The following CREB1 variants were observed in gnomAD, a reference collection of about 807,000 sequenced individuals.
CREB1 encodes cyclic AMP-responsive element-binding protein 1.
CREB1 carries 2 observed loss-of-function variants against 42.0 expected under a neutral mutation model. That is an observed-to-expected ratio of 0.05 (90% CI 0.02 to 0.15). CREB1 has a LOEUF of 0.15. CREB1 is among the 10% of genes least tolerant of loss of function. The pLI, the probability that CREB1 is intolerant of heterozygous loss-of-function variation, is 1.00. For missense variants in CREB1, 199 were observed against 388.9 expected, an observed-to-expected ratio of 0.51 and a Z score of 4.11; for synonymous variants, 123 against 139.9, an observed-to-expected ratio of 0.88 and a Z score of 0.85.
chr2:207,597,181 A>G lies in CREB1; in HGVS notation c.*123A>G. On this transcript the variant is annotated 3_prime_UTR_variant, in exon 8 of 8. Coordinates refer to ENST00000353267, the MANE Select transcript of CREB1 (RefSeq NM_004379.5). ...TTTTTCTATGCGCAAAACTGCCTGA[A>G]AGCAACTACAGAATTTCATTCATTT... 9.9e-7 allele frequency: 1 copy of G among 1,012,106 alleles called. No individual in the cohort carries two copies. The highest frequency in any genetic ancestry group is 3.0e-5 in the East Asian group (1 of 33,842). 62.7% of individuals were successfully genotyped at this position (1,012,106 alleles called of 1,614,324 possible).
At chr2:207,534,530 A>C (rs915744636) in intron 1 of CREB1, 3 of 152,208 alleles carry the variant, frequency 2.0e-5, no homozygotes, top group Admixed American at 6.5e-5. Flanking sequence ...TATTATTACT[A>C]TATGTAATAC....
At chr2:207,560,444 G>A in intron 3 of CREB1, 72 bp downstream of exon 3, 2 of 1,454,632 alleles carry the variant, frequency 1.4e-6, no homozygotes, top group Non-Finnish European at 1.9e-6. Flanking sequence ...CCTTTCACTA[G>A]TTATGAAAAT....
intron 5 of CREB1, among the ~76,000 whole-genome samples, chr2:207,572,892 C>G (rs1171842499): frequency 1.3e-5 from 2 of 151,182 alleles, no homozygotes; most frequent in Non-Finnish European, 2.9e-5. Flanking sequence ...GCATGAATTT[C>G]CACTCCTTCC....
chr2:207,586,018 C>T (rs2083761090), intron 7 of CREB1, among the ~76,000 whole-genome samples: 1 of 152,092 alleles, frequency 6.6e-6, no homozygotes, highest in Non-Finnish European at 1.5e-5. Flanking sequence ...ACAGGAAGGT[C>T]ATATGTACTA....
rs1034743321 is a variant in CREB1 at position 207,602,578 on chromosome 2, T to C, written c.*5520T>C. The C allele has an allele frequency of 1.2e-4, 26 of 211,154 alleles. No homozygotes were observed. The highest frequency in any genetic ancestry group is 2.3e-4 in the Non-Finnish European group (24 of 104,160). 13.1% of individuals were successfully genotyped at this position (211,154 alleles called of 1,614,324 possible). ...AAATCTGAGTTAGCTTAAAAATTGG[T>C]AGGGAGGAAGAAAATCTCTGCAAAT... On this transcript the variant is annotated 3_prime_UTR_variant, in exon 8 of 8. Transcript: ENST00000353267.
At position 207,547,391 on chromosome 2, in the gene CREB1, G is replaced by C. The variant is rs139189687; in HGVS notation, c.-8-8237G>C. Among the ~76,000 whole-genome samples the C allele has an allele frequency of 3.2e-3, 488 of 152,302 alleles. 4 individuals are homozygous for C. Among genetic ancestry groups the C allele is most frequent in the African/African-American group, 0.011 (460 of 41,572 alleles). The stretch of plus-strand genomic sequence containing the variant: ...TACTTACAGTTTCAGCATTGAGCTA[G>C]TTTACGAAGCAGAACTAACATTTGA... On this transcript the variant is annotated intron_variant, in intron 1 of 7. Coordinates refer to ENST00000353267, the MANE Select transcript of CREB1 (RefSeq NM_004379.5).
chr2:207,578,700 T>G (rs1559052547), intron 7 of CREB1, among the ~76,000 whole-genome samples: 1 of 152,218 alleles, frequency 6.6e-6, no homozygotes, highest in Non-Finnish European at 1.5e-5. Flanking sequence ...TATTCTTAGC[T>G]GTCACAATGT....
At chr2:207,544,059 A>G (rs978041278) in intron 1 of CREB1, among the ~76,000 whole-genome samples, 1 of 152,134 alleles carries the variant, frequency 6.6e-6, no homozygotes, top group Non-Finnish European at 1.5e-5. Context: ...AGCTGGGACT[A>G]CAGGGGCCCG....
chr2:207,557,095 G>A (rs1021717697), intron 2 of CREB1, among the ~76,000 whole-genome samples: 5 of 151,750 alleles, frequency 3.3e-5, no homozygotes, highest in African/African-American at 7.3e-5. Context: ...CTGAGATTGC[G>A]CCACTGCATT....
At chr2:207,560,117 T>C in intron 2 of CREB1, 109 bp from the exon 3 acceptor site, 3 of 929,430 alleles carry the variant, frequency 3.2e-6, no homozygotes, top group Non-Finnish European at 3.1e-6. Context: ...GAAATACATA[T>C]CTAGCAAAAA....
intron 7 of CREB1, chr2:207,582,906 CAAACA>C (rs1353128758): frequency 4.6e-5 from 13 of 282,976 alleles, no homozygotes; most frequent in East Asian, 1.4e-4. Flanking sequence ...AACAAACAAA[CAAACA>C]AAAAAAAATA....
chr2:207,553,229 C>T lies in CREB1; in HGVS notation c.-8-2399C>T, dbSNP rs1008454618. ...GATTACAGGTGCCCACTGCCACACC[C>T]GGCTAGTTTTTATGTTTTTAGTAGA... On this transcript the variant is annotated intron_variant, in intron 1 of 7. Transcript: ENST00000353267. Among the ~76,000 whole-genome samples the T allele has an allele frequency of 4.6e-5, 7 of 151,592 alleles. No individual in the cohort carries two copies. In the East Asian group the frequency reaches 7.8e-4, roughly 17 times the overall value.
In CREB1 at chr2:207,604,835, G is replaced by T. The variant is rs1201523548; in HGVS notation, c.*7777G>T. Among the ~76,000 whole-genome samples, 2 of 152,178 alleles carry T rather than the reference G, an allele frequency of 1.3e-5. No individual in the cohort carries two copies. Among genetic ancestry groups the T allele is most frequent in the Non-Finnish European group, 2.9e-5 (2 of 68,042 alleles). ...ATTTCATGTGAGACTCATACACTGT[G>T]TATTACTTCTTTCGTCTAGCTTTAA... On this transcript the variant is annotated 3_prime_UTR_variant, in exon 8 of 8. Coordinates refer to ENST00000353267, the MANE Select transcript of CREB1 (RefSeq NM_004379.5).
chr2:207,563,027 A>G (rs567276662), intron 3 of CREB1, among the ~76,000 whole-genome samples: 1 of 152,326 alleles, frequency 6.6e-6, no homozygotes, highest in South Asian at 2.1e-4. Flanking sequence ...GGTTAGGAGA[A>G]TTAACGAGAG....
chr2:207,563,876 G>A (rs1008070831), intron 3 of CREB1, among the ~76,000 whole-genome samples: 29 of 152,122 alleles, frequency 1.9e-4, no homozygotes, highest in African/African-American at 5.8e-4. Flanking sequence ...CCCTGGAGAC[G>A]GAGGTTGCGG....
chr2:207,531,689 G>C (rs1003414596), intron 1 of CREB1, among the ~76,000 whole-genome samples: 2 of 152,194 alleles, frequency 1.3e-5, no homozygotes, highest in Admixed American at 6.5e-5. Context: ...TTTAGGTGGT[G>C]CAAAAGACGA....
intron 1 of CREB1, among the ~76,000 whole-genome samples, chr2:207,536,806 A>G (rs1489432725): frequency 6.6e-6 from 1 of 151,852 alleles, no homozygotes; most frequent in Non-Finnish European, 1.5e-5. Flanking sequence ...CCTGGCCAAG[A>G]TGGTGAAACC....
chr2:207,567,683 A>G (rs1243799598), intron 4 of CREB1, 120 bp downstream of exon 4: 2 of 557,474 alleles, frequency 3.6e-6, no homozygotes, highest in Middle Eastern at 2.9e-4. Flanking sequence ...ACTTTTCTTC[A>G]TCTTGAGTTA....
intron 7 of CREB1, chr2:207,580,742 C>T (rs1019106708): frequency 8.9e-6 from 2 of 224,390 alleles, no homozygotes; most frequent in East Asian, 6.5e-5. Flanking sequence ...GTAACAACCA[C>T]GAATCTCAGT....
Sources: allele counts gnomAD v4.1 joint callset (sites outside exome capture counted in the v4.1 genomes callset), GRCh38; gene constraint gnomAD v4.1.1; transcripts MANE v1.5; gene names NCBI Gene and HGNC (gene_info 2026-07-23, HGNC 2026-07-21).